Variants in PGM5 observed in about 807,000 individuals in gnomAD.
The protein encoded by PGM5 is phosphoglucomutase-like protein 5.
Under a neutral mutation model 59.2 loss-of-function variants are expected in PGM5, and 23 were observed. The observed-to-expected ratio is 0.39, with a 90% CI of 0.28 to 0.55. The LOEUF is 0.55. Among genes scored for constraint, PGM5 ranks in the 20% least tolerant of loss-of-function variants. The pLI is 0.66. For missense variants in PGM5, 574 were observed against 748.3 expected (o/e 0.77, Z 2.72); for synonymous variants, 214 against 286.0 (o/e 0.75, Z 2.54).
chr9:68,476,155 T>C (rs1824099895), intron 7 of PGM5, among the ~76,000 whole-genome samples: 1 of 152,254 alleles, frequency 6.6e-6, no homozygotes, highest in South Asian at 2.1e-4. Context: ...CTGTTGATCA[T>C]TATTGCCAAG....
chr9:68,412,190 A>G (rs1822947061), intron 6 of PGM5, among the ~76,000 whole-genome samples: 1 of 151,912 alleles, frequency 6.6e-6, no homozygotes, highest in South Asian at 2.1e-4. Flanking sequence ...TAAAGTAATT[A>G]GCATAGAAGA....
At chr9:68,380,159 TACATAGA>T (rs1167888265) in intron 2 of PGM5, among the ~76,000 whole-genome samples, 1 of 151,986 alleles carries the variant, frequency 6.6e-6, no homozygotes, top group Non-Finnish European at 1.5e-5. Flanking sequence ...TTCTCTAGCA[TACATAGA>T]ACATTCTCCA....
chr9:68,483,285 G>C (rs1426280193), intron 8 of PGM5, among the ~76,000 whole-genome samples: 1 of 152,232 alleles, frequency 6.6e-6, no homozygotes, highest in Non-Finnish European at 1.5e-5. Flanking sequence ...AGGGTGATGA[G>C]AGAAGAAGAC....
At chr9:68,462,292 A>G (rs1416941139) in intron 6 of PGM5, among the ~76,000 whole-genome samples, 4 of 152,092 alleles carry the variant, frequency 2.6e-5, no homozygotes, top group South Asian at 2.1e-4. Context: ...CAGCTTTTGT[A>G]CTAGAGAATT....
intron 6 of PGM5, among the ~76,000 whole-genome samples, chr9:68,442,611 C>T (rs1017819242): frequency 2.0e-5 from 3 of 152,128 alleles, no homozygotes; most frequent in Non-Finnish European, 4.4e-5. Flanking sequence ...ATAGAGAGTC[C>T]AGAAATACAC....
rs1187462791 is a variant in PGM5, at chr9:68,517,029, G to T, written c.1615-12538G>T. Among the ~76,000 whole-genome samples the T allele has an allele frequency of 3.3e-5, 5 of 151,066 alleles. No homozygotes were observed. The East Asian group carries it at 9.7e-4, about 29-fold the overall frequency. ...CGGGACTACAGGCATGCACCACCAC[G>T]CCCGGCTAATTTTTTGTCTTTTTTT... On this transcript the variant is annotated intron_variant, in intron 10 of 10. Coordinates refer to ENST00000396396, the MANE Select transcript of PGM5 (RefSeq NM_021965.4).
At chr9:68,404,290 C>T (rs1467613255) in intron 6 of PGM5, among the ~76,000 whole-genome samples, 1 of 152,106 alleles carries the variant, frequency 6.6e-6, no homozygotes, top group Non-Finnish European at 1.5e-5. Context: ...CAATGCCTGG[C>T]TAATTTTTTT....
chr9:68,458,555 C>T (rs1221158988), intron 6 of PGM5, among the ~76,000 whole-genome samples: 1 of 152,154 alleles, frequency 6.6e-6, no homozygotes, highest in African/African-American at 2.4e-5. Flanking sequence ...AATATCGCAA[C>T]TCTGTAGGCC....
At chr9:68,376,781 C>CTTT (rs1310214063) in intron 1 of PGM5, among the ~76,000 whole-genome samples, 1 of 90,024 alleles carries the variant, frequency 1.1e-5, no homozygotes, top group Admixed American at 1.2e-4. Flanking sequence ...TTCTTTCTTT[C>CTTT]TTTCTTTCTT....
chr9:68,443,235 TG>T (rs1823556095), intron 6 of PGM5, among the ~76,000 whole-genome samples: 1 of 152,230 alleles, frequency 6.6e-6, no homozygotes, highest in African/African-American at 2.4e-5. Context: ...GCATGTCAAA[TG>T]ATTTTGCTGA....
At position 68,466,176 on chromosome 9, in the gene PGM5, A is replaced by G. The variant is rs1490579559; in HGVS notation, c.1159+968A>G. The G allele has an allele frequency of 1.4e-5, 18 of 1,297,674 alleles. No individual in the cohort carries two copies. In the African/African-American group the frequency reaches 2.0e-4, roughly 14 times the overall value. The allele number at this position is 1,297,674 out of a possible 1,614,324, so 80.4% of individuals were successfully genotyped here. A position where few individuals can be genotyped will look rare whatever the true frequency, so the allele number is the denominator to read the frequency against. On this transcript the variant is annotated intron_variant, in intron 7 of 10. Coordinates refer to ENST00000396396, the MANE Select transcript of PGM5 (RefSeq NM_021965.4). ...TTGTGTTTCAGTTTAGATCGTCTCTATTGGAACATCTTTAAGTTCACTGAT... is the reference window on the plus strand; with the variant it reads ...TTGTGTTTCAGTTTAGATCGTCTCTGTTGGAACATCTTTAAGTTCACTGAT...
intron 9 of PGM5, among the ~76,000 whole-genome samples, chr9:68,487,369 C>G (rs1824312025): frequency 6.6e-6 from 1 of 151,940 alleles, no homozygotes; most frequent in South Asian, 2.1e-4. Context: ...TATCAGTTCC[C>G]TCCCCTTGAC....
At chr9:68,462,586 A>T (rs943198875) in intron 6 of PGM5, among the ~76,000 whole-genome samples, 1 of 152,122 alleles carries the variant, frequency 6.6e-6, no homozygotes, top group African/African-American at 2.4e-5. Flanking sequence ...GATTAATTGG[A>T]AAGGGTGGGA....
At chr9:68,389,090 G>A (rs1822300932) in intron 4 of PGM5, among the ~76,000 whole-genome samples, 1 of 151,458 alleles carries the variant, frequency 6.6e-6, no homozygotes, top group South Asian at 2.1e-4. Context: ...TCTACTTTCT[G>A]GGAAATTTCC....
intron 6 of PGM5, among the ~76,000 whole-genome samples, chr9:68,406,714 A>ATG (rs1822825347): frequency 1.1e-5 from 1 of 89,718 alleles, no homozygotes; most frequent in African/African-American, 4.4e-5. Context: ...ATATATATAT[A>ATG]TATATATATA....
intron 6 of PGM5, among the ~76,000 whole-genome samples, chr9:68,443,820 C>T (rs1331326248): frequency 6.6e-6 from 1 of 152,202 alleles, no homozygotes; most frequent in Non-Finnish European, 1.5e-5. Context: ...ACCTCTTAAT[C>T]GCATTTAAGA....
At chr9:68,422,161 ACCAAGTAG>A (rs1823141593) in intron 6 of PGM5, among the ~76,000 whole-genome samples, 1 of 152,134 alleles carries the variant, frequency 6.6e-6, no homozygotes, top group Non-Finnish European at 1.5e-5. Context: ...CTTTTGATAG[ACCAAGTAG>A]CCAAGTAGGA....
At chr9:68,516,585 C>T (rs1022373190) in intron 10 of PGM5, among the ~76,000 whole-genome samples, 1 of 152,178 alleles carries the variant, frequency 6.6e-6, no homozygotes, top group Non-Finnish European at 1.5e-5. Context: ...ATGGGTGGGC[C>T]TGAGAGGAGG....
chr9:68,400,281 G>A (rs1449031118), intron 6 of PGM5, among the ~76,000 whole-genome samples: 6 of 152,206 alleles, frequency 3.9e-5, no homozygotes, highest in Admixed American at 6.5e-5. Context: ...TATAGAACAC[G>A]CATAATCTCC....
Sources: allele counts gnomAD v4.1 joint callset (sites outside exome capture counted in the v4.1 genomes callset), GRCh38; gene constraint gnomAD v4.1.1; transcripts MANE v1.5; gene names NCBI Gene and HGNC (gene_info 2026-07-23, HGNC 2026-07-21).